The following ANK3 variants were observed in gnomAD, a reference collection of about 807,000 sequenced individuals.
ANK3 encodes the protein ankyrin 3, also known as ankyrin-3.
ANK3 carries 57 observed loss-of-function variants against 370.9 expected under a neutral mutation model. That is an observed-to-expected ratio of 0.15 (90% CI 0.12 to 0.19). ANK3 has a LOEUF of 0.19. Ranked by LOEUF, ANK3 falls within the 10% of genes least tolerant of loss-of-function variation. The pLI, the probability that ANK3 is intolerant of heterozygous loss-of-function variation, is 1.00. For synonymous variants in ANK3, 1,929 were observed against 1,946.3 expected (o/e 0.99, Z 0.23); for missense variants, 4,439 against 5,302.1 (o/e 0.84, Z 5.06).
intron 1 of ANK3, among the ~76,000 whole-genome samples, chr10:60,716,152 T>TA (rs35676244): frequency 2.6e-5 from 4 of 151,016 alleles, no homozygotes; most frequent in Non-Finnish European, 5.9e-5. Flanking sequence ...CTATCGCTCA[T>TA]AAAAATTGTA....
intron 2 of ANK3, among the ~76,000 whole-genome samples, chr10:60,430,208 T>C (rs886894796): frequency 6.6e-6 from 1 of 152,230 alleles, no homozygotes; most frequent in African/African-American, 2.4e-5. Flanking sequence ...GGGCAGAAAG[T>C]CTGCCTGAAG....
intron 2 of ANK3, among the ~76,000 whole-genome samples, chr10:60,457,100 G>C (rs1041463131): frequency 5.3e-5 from 8 of 152,084 alleles, no homozygotes; most frequent in Non-Finnish European, 1.5e-5. Flanking sequence ...ACAGCCTTAA[G>C]TCTCTCTACC....
chr10:60,501,691 G>C (rs80214258), intron 2 of ANK3, among the ~76,000 whole-genome samples: 9 of 135,382 alleles, frequency 6.6e-5, no homozygotes, highest in South Asian at 2.4e-4. Context: ...GGCCACAACA[G>C]TGAGACTCTG....
intron 1 of ANK3, among the ~76,000 whole-genome samples, chr10:60,352,861 G>A (rs1052921028): frequency 2.0e-5 from 3 of 152,160 alleles, no homozygotes; most frequent in Non-Finnish European, 2.9e-5. Flanking sequence ...AATTATACTT[G>A]TATTTAGCGT....
chr10:60,393,745 T>C (rs559505092), upstream of ANK3, among the ~76,000 whole-genome samples: 1 of 152,202 alleles, frequency 6.6e-6, no homozygotes, highest in South Asian at 2.1e-4. Context: ...ATGTTGTGTG[T>C]CTACCTTGTT....
chr10:60,580,261 T>C (rs2077733387), intron 2 of ANK3, among the ~76,000 whole-genome samples: 1 of 152,190 alleles, frequency 6.6e-6, no homozygotes, highest in Non-Finnish European at 1.5e-5. Context: ...AACAGAGGAC[T>C]AAAGAAGACA....
chr10:60,690,698 A>T (rs564102796), intron 1 of ANK3, among the ~76,000 whole-genome samples: 4 of 152,158 alleles, frequency 2.6e-5, no homozygotes, highest in African/African-American at 7.2e-5. Context: ...AATCTCTGGT[A>T]AAAATAACCA....
intron 1 of ANK3, 39 bp downstream of exon 1, chr10:60,389,386 G>A (rs755488419): frequency 6.3e-7 from 1 of 1,586,608 alleles, no homozygotes; most frequent in South Asian, 1.1e-5. Flanking sequence ...AAAACAAAAA[G>A]AATCCAGGCA....
chr10:60,303,552 C>T (rs1253867178), intron 1 of ANK3, among the ~76,000 whole-genome samples: 1 of 151,956 alleles, frequency 6.6e-6, no homozygotes, highest in East Asian at 1.9e-4. Flanking sequence ...GACCTCACAC[C>T]ACTTAGAATA....
intron 1 of ANK3, among the ~76,000 whole-genome samples, chr10:60,685,704 G>T (rs1237239989): frequency 3.3e-5 from 5 of 152,170 alleles, no homozygotes; most frequent in Admixed American, 6.5e-5. Flanking sequence ...AAGACCTTGG[G>T]AATTAAGAGC....
intron 4 of ANK3, among the ~76,000 whole-genome samples, chr10:60,275,880 TTGAC>T (rs1344981651): frequency 2.6e-5 from 4 of 152,334 alleles, no homozygotes; most frequent in African/African-American, 7.2e-5. Context: ...GGGATGTCAT[TTGAC>T]TGTGCAGTTT....
chr10:60,352,008 T>C (rs954350902), intron 1 of ANK3, among the ~76,000 whole-genome samples: 42 of 152,166 alleles, frequency 2.8e-4, no homozygotes, highest in Non-Finnish European at 5.1e-4. Flanking sequence ...TTAAAATAAA[T>C]AGCAAGGCCA....
Position 60,070,014 on chromosome 10 carries a change from C to A in ANK3, c.10867G>T (p.Asp3623Tyr), listed in dbSNP as rs368045259. The A allele has an allele frequency of 4.3e-6, 7 of 1,614,096 alleles. No homozygotes were observed. Among genetic ancestry groups the A allele is most frequent in the Non-Finnish European group, 5.9e-6 (7 of 1,180,004 alleles). ...AATTGGAGCCTCTCTTCAACAAAAT[C>A]CCTCTTGCTCATGTCAATTGCACCA... ...RSGAIDMSKR[D>Y]FVEERLQFFQ... is the part of the protein sequence containing the mutation. The change falls in exon 37 of 44, where the codon GAT becomes TAT. Residue 3623 changes from aspartate to tyrosine, a missense_variant. By Grantham distance (160) the Asp-to-Tyr change is radical (BLOSUM62 -3). Around this residue, in one of 13 missense-constraint regions of ANK3, gnomAD observed 496 missense variants for 529.3 expected, o/e 0.94. Coordinates refer to ENST00000280772, the MANE Select transcript of ANK3 (RefSeq NM_020987.5). The surrounding 1 kb of genome is among the most constrained non-coding windows in gnomAD (Gnocchi z 5.7).
intron 1 of ANK3, among the ~76,000 whole-genome samples, chr10:60,304,642 C>T (rs927460874): frequency 4.7e-5 from 7 of 150,110 alleles, no homozygotes; most frequent in African/African-American, 9.8e-5. Flanking sequence ...GGCTCTGTCT[C>T]GAAAAAAAGA....
chr10:60,305,367 A>G (rs2132821695), intron 1 of ANK3, among the ~76,000 whole-genome samples: 1 of 151,998 alleles, frequency 6.6e-6, no homozygotes, highest in East Asian at 1.9e-4. Flanking sequence ...AAACCAGAAA[A>G]TAAGATGTCT....
chr10:60,479,868 T>C (rs1375259621), intron 2 of ANK3, among the ~76,000 whole-genome samples: 1 of 152,208 alleles, frequency 6.6e-6, no homozygotes, highest in East Asian at 1.9e-4. Flanking sequence ...CATTAACTTG[T>C]TTTCAACATG....
chr10:60,684,661 G>T, intron 1 of ANK3: 1 of 1,588,452 alleles, frequency 6.3e-7, no homozygotes, highest in South Asian at 1.1e-5. Flanking sequence ...ACCTACCAAA[G>T]CATTTAACAC....
In ANK3 at chr10:60,657,053, A is replaced by G. The variant is rs551499713; in HGVS notation, c.58-41829T>C. Among the ~76,000 whole-genome samples the G allele has an allele frequency of 2.6e-5, 4 of 152,340 alleles. No individual in the cohort carries two copies. The East Asian group carries it at 5.8e-4, about 22-fold the overall frequency. Reference sequence around the variant, plus strand: ...AGGTTTAATGGACTTACAGTTCCACATGGCTGGGAAGGCCTCACAATCATG... The same window carrying G: ...AGGTTTAATGGACTTACAGTTCCACGTGGCTGGGAAGGCCTCACAATCATG... On this transcript the variant is annotated intron_variant, in intron 1 of 43. Transcript: ENST00000373827.
At chr10:60,109,668 A>T (rs558310802) in intron 26 of ANK3, among the ~76,000 whole-genome samples, 1 of 152,350 alleles carries the variant, frequency 6.6e-6, no homozygotes, top group Admixed American at 6.5e-5. Flanking sequence ...GCTGTCTGAA[A>T]TAACCTACAT....
Sources: gnomAD v4.1 joint callset for allele counts (sites outside exome capture counted in the v4.1 genomes callset) on GRCh38, gnomAD v4.1.1 for gene constraint, gnomAD v4.1.1 regional missense constraint, Gnocchi (gnomAD v3.1) non-coding constraint, MANE v1.5 for transcripts, NCBI Gene and HGNC (gene_info 2026-07-23, HGNC 2026-07-21) for gene names.